Variants in PTPRD observed in about 807,000 individuals in gnomAD.
PTPRD encodes the protein receptor-type tyrosine-protein phosphatase delta.
In PTPRD, 34 loss-of-function variants were observed where a neutral mutation model predicts 214.5. The observed-to-expected ratio is 0.16, with a 90% CI of 0.12 to 0.21. The LOEUF is 0.21. PTPRD is among the 10% of genes least tolerant of loss of function. The pLI, the probability that PTPRD is intolerant of heterozygous loss-of-function variation, is 1.00. For missense variants in PTPRD, 2,545 were observed against 2,398.7 expected (o/e 1.06, Z -1.27); for synonymous variants, 1,128 against 845.7 (o/e 1.33, Z -5.79).
intron 32 of PTPRD, among the ~76,000 whole-genome samples, chr9:8,463,844 AT>A (rs1461038473): frequency 7.9e-5 from 12 of 151,910 alleles, no homozygotes; most frequent in Non-Finnish European, 1.3e-4. Context: ...ATAAACTGAT[AT>A]GGAAATTTGA....
chr9:10,349,118 G>A (rs2097139872), intron 2 of PTPRD, among the ~76,000 whole-genome samples: 1 of 151,880 alleles, frequency 6.6e-6, no homozygotes, highest in Non-Finnish European at 1.5e-5. Context: ...CACTGAGCAG[G>A]ACGAAGCCAT....
intron 8 of PTPRD, among the ~76,000 whole-genome samples, chr9:9,472,451 C>T (rs2146580079): frequency 6.6e-6 from 1 of 152,062 alleles, no homozygotes; most frequent in African/African-American, 2.4e-5. Context: ...GATCCACCCG[C>T]CTCGGCCTCC....
chr9:10,503,193 C>CAAAAAAAAAAAAAAAAAAAAAAAA (rs753847764), intron 2 of PTPRD, among the ~76,000 whole-genome samples: 3 of 69,066 alleles, frequency 4.3e-5, no homozygotes, highest in Non-Finnish European at 5.6e-5. Flanking sequence ...AGCTGCAATA[C>CAAAAAAAAAAAAAAAAAAAAAAAA]AAAAAAAAAA....
At chr9:8,959,010 G>C (rs17791622) in intron 11 of PTPRD, among the ~76,000 whole-genome samples, 22,278 of 151,968 alleles carry the variant, frequency 0.15, 1,793 homozygotes, top group South Asian at 0.21. Flanking sequence ...TGGCAACTGA[G>C]ACAGGTCCTC....
intron 21 of PTPRD, among the ~76,000 whole-genome samples, chr9:8,512,945 C>G (rs2097710861): frequency 6.6e-6 from 1 of 151,950 alleles, no homozygotes; most frequent in Non-Finnish European, 1.5e-5. Context: ...TTACCCTATG[C>G]TTTTGGTACA....
intron 11 of PTPRD, among the ~76,000 whole-genome samples, chr9:8,841,724 G>A (rs1025385874): frequency 7.3e-6 from 1 of 136,874 alleles, no homozygotes; most frequent in Non-Finnish European, 1.6e-5. Context: ...AAAAAAAAAT[G>A]ACATCAGCCT....
In PTPRD at chr9:8,933,340, G is replaced by GTTTTTTTTT. The variant is rs71317383; in HGVS notation, c.-104+85348_-104+85356dup. 4.5e-4 allele frequency among the ~76,000 whole-genome samples: 36 copies of GTTTTTTTTT among 80,426 alleles called. 6 individuals carry two copies. Among genetic ancestry groups the GTTTTTTTTT allele is most frequent in the East Asian group, 1.5e-3 (3 of 2,058 alleles). 52.8% of individuals were successfully genotyped at this position (80,426 alleles called of 152,430 possible). On this transcript the variant is annotated intron_variant, in intron 11 of 45. Transcript: ENST00000381196. Reference sequence around the variant, plus strand: ...CCATCTTGCCAGCCACAACCTTGAGGTTTTTTTTTTTTTTTTTTTTTTTAC... The same window carrying GTTTTTTTTT: ...CCATCTTGCCAGCCACAACCTTGAGGTTTTTTTTTTTTTTTTTTTTTTTTTTTTTTTTAC...
chr9:9,777,381 A>C (rs1485556265), intron 5 of PTPRD, among the ~76,000 whole-genome samples: 1 of 151,910 alleles, frequency 6.6e-6, no homozygotes, highest in African/African-American at 2.4e-5. Context: ...GTCAAAAATA[A>C]ATTCAACTAT....
intron 39 of PTPRD, among the ~76,000 whole-genome samples, chr9:8,369,077 G>A (rs1028976448): frequency 3.3e-5 from 5 of 152,062 alleles, no homozygotes; most frequent in Non-Finnish European, 4.4e-5. Flanking sequence ...TATGGTTCAC[G>A]TTTGTCAGCA....
chr9:10,523,662 A>AAG (rs1196761087), intron 2 of PTPRD, among the ~76,000 whole-genome samples: 63 of 115,962 alleles, frequency 5.4e-4, no homozygotes, highest in Middle Eastern at 5.0e-3. Flanking sequence ...GAGAGAAATA[A>AAG]AGAGAGAGAG....
chr9:8,592,215 C>G (rs2094157709), intron 14 of PTPRD, among the ~76,000 whole-genome samples: 2 of 152,146 alleles, frequency 1.3e-5, no homozygotes, highest in Admixed American at 6.5e-5. Flanking sequence ...CTCCTTCTAG[C>G]TCTTCTTAAA....
intron 2 of PTPRD, among the ~76,000 whole-genome samples, chr9:10,352,508 G>A (rs912518842): frequency 1.3e-5 from 2 of 151,958 alleles, no homozygotes; most frequent in Admixed American, 6.6e-5. Context: ...GAGCAGTTGA[G>A]GTCTTGCATA....
chr9:9,857,817 AT>A (rs2061844450), intron 5 of PTPRD, among the ~76,000 whole-genome samples: 2 of 152,174 alleles, frequency 1.3e-5, no homozygotes, highest in Admixed American at 6.6e-5. Context: ...TTCTAATCAC[AT>A]TTAGTATTTG....
In PTPRD at chr9:8,912,300, G is replaced by C. The variant is rs150277395; in HGVS notation, c.-104+106397C>G. ...TGGATAAACAATGTTATATATACTT[G>C]GAATGGAGTAATAACGAGCAATGAA... On this transcript the variant is annotated intron_variant, in intron 11 of 45. Coordinates refer to ENST00000381196, the MANE Select transcript of PTPRD (RefSeq NM_002839.4). Among the ~76,000 whole-genome samples, 373 of 152,230 alleles carry C rather than the reference G, an allele frequency of 2.5e-3. 2 individuals carry two copies. Among genetic ancestry groups the C allele is most frequent in the African/African-American group, 8.6e-3 (356 of 41,546 alleles).
intron 11 of PTPRD, among the ~76,000 whole-genome samples, chr9:8,848,161 C>A (rs1206610151): frequency 4.0e-5 from 6 of 151,592 alleles, no homozygotes; most frequent in Non-Finnish European, 8.8e-5. Flanking sequence ...GAGCTGGAGG[C>A]CATCTGCAGA....
chr9:9,996,377 C>A (rs1588465685), intron 4 of PTPRD, among the ~76,000 whole-genome samples: 1 of 152,200 alleles, frequency 6.6e-6, no homozygotes, highest in Non-Finnish European at 1.5e-5. Flanking sequence ...ATAAGATAAG[C>A]TCTCAGTATG....
intron 8 of PTPRD, among the ~76,000 whole-genome samples, chr9:9,572,497 A>T (rs1171820044): frequency 6.7e-6 from 1 of 150,134 alleles, no homozygotes; most frequent in East Asian, 1.9e-4. Context: ...GAAAGAAATA[A>T]TGCTGATTTA....
At chr9:10,029,162 G>C (rs2096996263) in intron 4 of PTPRD, among the ~76,000 whole-genome samples, 3 of 152,222 alleles carry the variant, frequency 2.0e-5, no homozygotes, top group Non-Finnish European at 4.4e-5. Flanking sequence ...GGGAACCTCT[G>C]CCTAGATTTC....
chr9:8,865,067 A>C (rs765890696), intron 11 of PTPRD, among the ~76,000 whole-genome samples: 1 of 152,218 alleles, frequency 6.6e-6, no homozygotes, highest in Non-Finnish European at 1.5e-5. Context: ...ACAGCACATC[A>C]TCTAGCATGT....
Sources: allele counts gnomAD v4.1 joint callset (sites outside exome capture counted in the v4.1 genomes callset), GRCh38; gene constraint gnomAD v4.1.1; transcripts MANE v1.5; gene names NCBI Gene and HGNC (gene_info 2026-07-23, HGNC 2026-07-21).